Variants in NUDT9 observed in about 807,000 individuals in gnomAD.
The protein encoded by NUDT9 is nudix hydrolase 9, also known as ADP-ribose pyrophosphatase.
A neutral mutation model predicts 41.0 loss-of-function variants in NUDT9; 31 were observed. That is an observed-to-expected ratio of 0.76 (90% CI 0.57 to 1.02). NUDT9 has a LOEUF of 1.02. NUDT9 is among the 50% of genes least tolerant of loss of function. NUDT9 has a pLI of 0.00. For missense variants in NUDT9, 380 were observed against 431.4 expected, an observed-to-expected ratio of 0.88 and a Z score of 1.06; for synonymous variants, 146 against 147.6, an observed-to-expected ratio of 0.99 and a Z score of 0.08.
chr4:87,434,201 C>A (rs1721806513), intron 1 of NUDT9: 1 of 152,016 alleles, frequency 6.6e-6, no homozygotes, highest in Non-Finnish European at 1.5e-5. Context: ...ATTCACCACA[C>A]CTGGCTAATT....
rs529346706 is a variant in NUDT9, at chr4:87,430,312, C to T, written c.108-4669C>T. ...TAAATTGTCTTTAGCTGAGTGAGAC[C>T]TGTGTTGGACTTCTAACCTACAAAA... On this transcript the variant is annotated intron_variant, in intron 1 of 7. Transcript: ENST00000302174. Among the ~76,000 whole-genome samples, 4 of 152,314 alleles carry T rather than the reference C, an allele frequency of 2.6e-5. No homozygotes were observed. The East Asian group carries it at 5.8e-4, about 22-fold the overall frequency.
intron 5 of NUDT9, among the ~76,000 whole-genome samples, chr4:87,450,404 G>A (rs1296324904): frequency 6.8e-5 from 9 of 132,976 alleles, no homozygotes; most frequent in East Asian, 4.3e-4. Flanking sequence ...TTTTTGAGAC[G>A]GAGTCTCACT....
rs1408016120 is a variant in NUDT9, at chr4:87,459,060, G to C, written c.*1039G>C. 1 of 152,196 alleles carries C rather than the reference G, an allele frequency of 6.6e-6. No homozygotes were observed. Among genetic ancestry groups the C allele is most frequent in the Non-Finnish European group, 1.5e-5 (1 of 68,044 alleles). 9.4% of individuals were successfully genotyped at this position (152,196 alleles called of 1,614,324 possible). A position where few individuals can be genotyped will look rare whatever the true frequency, so the allele number is the denominator to read the frequency against. The stretch of plus-strand genomic sequence containing the variant: ...TCAACCTAAATGTTCATCAGTGATA[G>C]ACTGGATAAAGACAATGTGGTATAT... On this transcript the variant is annotated 3_prime_UTR_variant, in exon 8 of 8. Coordinates refer to ENST00000302174, the MANE Select transcript of NUDT9 (RefSeq NM_024047.5).
intron 5 of NUDT9, among the ~76,000 whole-genome samples, chr4:87,450,641 T>C (rs768440038): frequency 1.3e-5 from 2 of 152,140 alleles, no homozygotes; most frequent in Non-Finnish European, 2.9e-5. Flanking sequence ...CCTCCCAAAG[T>C]GCTGGGATTA....
At chr4:87,457,316 A>G (rs2110195963) in intron 7 of NUDT9, among the ~76,000 whole-genome samples, 1 of 148,592 alleles carries the variant, frequency 6.7e-6, no homozygotes, top group African/African-American at 2.5e-5. Flanking sequence ...GCTCACTGCA[A>G]CCTCCACCTC....
At chr4:87,438,248 C>CT (rs767804525) in intron 2 of NUDT9, 29 bp from the exon 3 acceptor site, 1 of 1,198,854 alleles carries the variant, frequency 8.3e-7, no homozygotes, top group Admixed American at 1.7e-5. Context: ...ATCATTATTT[C>CT]TTATTTTACA....
intron 6 of NUDT9, among the ~76,000 whole-genome samples, chr4:87,453,226 A>G (rs184016956): frequency 4.3e-4 from 65 of 152,276 alleles, no homozygotes; most frequent in Non-Finnish European, 8.2e-4. Context: ...ATAGATCCAA[A>G]TATCTTCATA....
intron 1 of NUDT9, 142 bp from the exon 2 acceptor site, chr4:87,434,839 G>A (rs950755732): frequency 6.1e-6 from 4 of 653,590 alleles, no homozygotes; most frequent in African/African-American, 5.5e-5. Flanking sequence ...GGCTGGTCTT[G>A]AACCCCTAAC....
At position 87,438,942 on chromosome 4, in the gene NUDT9, G is replaced by A. The variant is rs186666722; in HGVS notation, c.443+570G>A. On this transcript the variant is annotated intron_variant, in intron 3 of 7. Coordinates refer to ENST00000302174, the MANE Select transcript of NUDT9 (RefSeq NM_024047.5). ...AGCACTTTGGGAGGCTGAGGTGGGC[G>A]GATCCCCTAAGGTCAGGAGTTTAAG... 7.0e-3 allele frequency among the ~76,000 whole-genome samples: 1,065 copies of A among 152,132 alleles called. 8 individuals carry two copies. The highest frequency in any genetic ancestry group is 0.011 in the Non-Finnish European group (751 of 68,000).
At chr4:87,457,340 A>C (rs1723033094) in intron 7 of NUDT9, among the ~76,000 whole-genome samples, 1 of 150,872 alleles carries the variant, frequency 6.6e-6, no homozygotes, top group African/African-American at 2.4e-5. Flanking sequence ...GATTCAGACA[A>C]TTCTCTTGCC....
In NUDT9 at chr4:87,449,154, T is replaced by C. The variant is rs763552419; in HGVS notation, c.543T>C (p.Asp181=). 3 of 1,589,578 alleles carry C rather than the reference T, an allele frequency of 1.9e-6. No homozygotes were observed. The highest frequency in any genetic ancestry group is 2.6e-6 in the Non-Finnish European group (3 of 1,158,048). ...ADPIITRWKR[D]SSGNKIMHPV... ...TTACTATTCACAGATGGAAAAGGGATAGCAGTGGAAATAAAATCATGCATC... is the reference window on the plus strand; with the variant it reads ...TTACTATTCACAGATGGAAAAGGGACAGCAGTGGAAATAAAATCATGCATC... Residue 181 remains aspartate (D), a synonymous_variant, in exon 5 of 8, where the codon GAT becomes GAC. Coordinates refer to ENST00000302174, the MANE Select transcript of NUDT9 (RefSeq NM_024047.5).
intron 4 of NUDT9, among the ~76,000 whole-genome samples, chr4:87,444,241 C>G (rs1008713607): frequency 2.6e-5 from 4 of 152,014 alleles, no homozygotes; most frequent in Non-Finnish European, 5.9e-5. Flanking sequence ...TTCAAGGAGA[C>G]TCTGTTTTTC....
chr4:87,449,038 A>C lies in NUDT9; in HGVS notation c.531-104A>C. On this transcript the variant is annotated intron_variant, in intron 4 of 7. Transcript: ENST00000302174. ...TAGCTGATTTGAGATAAATTTATAT[A>C]TACTCTGCTTTAAAGAAAAAGTCCT... The C allele has an allele frequency of 4.7e-6, 3 of 634,002 alleles. No homozygotes were observed. In the South Asian group the frequency reaches 5.7e-5, roughly 12 times the overall value. The allele number at this position is 634,002 out of a possible 1,614,324, so 39.3% of individuals were successfully genotyped here.
chr4:87,441,989 G>T, intron 4 of NUDT9, 74 bp downstream of exon 4: 1 of 966,576 alleles, frequency 1.0e-6, no homozygotes, highest in East Asian at 2.5e-5. Flanking sequence ...AGCTATGTTT[G>T]TGTATATATG....
intron 1 of NUDT9, among the ~76,000 whole-genome samples, chr4:87,432,588 G>A (rs1721734318): frequency 1.3e-5 from 2 of 151,940 alleles, no homozygotes; most frequent in Non-Finnish European, 2.9e-5. Flanking sequence ...TCTTGTTCCT[G>A]ATCTTAGAGG....
intron 3 of NUDT9, among the ~76,000 whole-genome samples, chr4:87,440,342 C>G (rs1437150901): frequency 6.6e-6 from 1 of 152,234 alleles, no homozygotes; most frequent in African/African-American, 2.4e-5. Context: ...AGGACTCTCT[C>G]TCTGCTTCAT....
chr4:87,425,247 A>G (rs1426737888), intron 1 of NUDT9, among the ~76,000 whole-genome samples: 5 of 151,660 alleles, frequency 3.3e-5, no homozygotes, highest in Admixed American at 6.6e-5. Flanking sequence ...TATCAGTAGG[A>G]TCAGAGTAGG....
At chr4:87,452,300 G>T (rs532263034) in intron 6 of NUDT9, among the ~76,000 whole-genome samples, 1 of 152,140 alleles carries the variant, frequency 6.6e-6, no homozygotes, top group African/African-American at 2.4e-5. Context: ...AACACGCCTG[G>T]CCTGTAAACT....
chr4:87,428,650 C>T (rs1721539871), intron 1 of NUDT9, among the ~76,000 whole-genome samples: 1 of 152,166 alleles, frequency 6.6e-6, no homozygotes, highest in African/African-American at 2.4e-5. Context: ...AACTATATGG[C>T]ATTCTTGAAG....
Sources: gnomAD v4.1 joint callset for allele counts (sites outside exome capture counted in the v4.1 genomes callset) on GRCh38, gnomAD v4.1.1 for gene constraint, MANE v1.5 for transcripts, NCBI Gene and HGNC (gene_info 2026-07-23, HGNC 2026-07-21) for gene names.